The following RUFY3 variants were observed in gnomAD, a reference collection of about 807,000 sequenced individuals.
RUFY3 encodes RUN and FYVE domain containing 3.
A neutral mutation model predicts 84.0 loss-of-function variants in RUFY3; 34 were observed. The ratio of observed to expected loss-of-function variants is 0.40; its 90% CI spans 0.31 to 0.54. The LOEUF (loss-of-function observed/expected upper bound fraction) is 0.54, where lower values mean the gene tolerates loss of function less well. Among genes scored for constraint, RUFY3 ranks in the 20% least tolerant of loss-of-function variants. The probability of loss-of-function intolerance (pLI) is 0.39; values close to 1 mark genes in which losing one functional copy is unlikely to be tolerated. For missense variants in RUFY3, 507 were observed against 736.8 expected (o/e 0.69, Z 3.61); for synonymous variants, 242 against 252.9 (o/e 0.96, Z 0.41).
exon 1 of RUFY3, chr4:70,705,068 G>T (rs1740103945): frequency 7.7e-7 from 1 of 1,291,674 alleles, no homozygotes; most frequent in East Asian, 3.2e-5. Flanking sequence ...AGGGCGAGGC[G>T]GGGCCGCCGC....
chr4:70,719,297 A>T (rs933396901), upstream of RUFY3, among the ~76,000 whole-genome samples: 2 of 152,090 alleles, frequency 1.3e-5, no homozygotes, highest in African/African-American at 4.8e-5. Context: ...TGTGTCCTCT[A>T]CCTGGAGAGA....
intron 12 of RUFY3, chr4:70,792,908 A>C (rs905702322): frequency 5.4e-5 from 53 of 985,328 alleles, no homozygotes; most frequent in Admixed American, 6.1e-5. Flanking sequence ...TCTTCTCTTC[A>C]TCAACCTTTT....
At chr4:70,782,534 C>CAGA (rs1168077087) in intron 8 of RUFY3, among the ~76,000 whole-genome samples, 1 of 152,050 alleles carries the variant, frequency 6.6e-6, no homozygotes, top group Non-Finnish European at 1.5e-5. Flanking sequence ...CCGCTCGCAT[C>CAGA]AGCCTCCTAA....
intron 1 of RUFY3, among the ~76,000 whole-genome samples, chr4:70,733,162 GAGAGAA>G (rs1439461318): frequency 1.6e-3 from 221 of 140,620 alleles, no homozygotes; most frequent in Middle Eastern, 7.6e-3. Flanking sequence ...GAGAGAGAGA[GAGAGAA>G]AGAAAGAAAG....
chr4:70,757,333 G>A (rs571173554), intron 1 of RUFY3, among the ~76,000 whole-genome samples: 59 of 152,016 alleles, frequency 3.9e-4, no homozygotes, highest in South Asian at 2.1e-3. Context: ...GGCCGGGCGC[G>A]GTGGTTCATG....
At chr4:70,711,486 A>AT (rs1269646249) in intron 1 of RUFY3, among the ~76,000 whole-genome samples, 1 of 152,164 alleles carries the variant, frequency 6.6e-6, no homozygotes, top group Non-Finnish European at 1.5e-5. Flanking sequence ...GATTTTCGGT[A>AT]TTTTCAATGT....
At chr4:70,763,477 G>T (rs1725365736) in intron 2 of RUFY3, 75 bp from the exon 3 acceptor site, 1 of 1,073,398 alleles carries the variant, frequency 9.3e-7, no homozygotes, top group East Asian at 2.4e-5. Flanking sequence ...AGTTGTGTGT[G>T]TATGTGTGTG....
chr4:70,741,467 C>G (rs1721303636), intron 1 of RUFY3, among the ~76,000 whole-genome samples: 1 of 152,166 alleles, frequency 6.6e-6, no homozygotes, highest in South Asian at 2.1e-4. Flanking sequence ...TGGTTGTACT[C>G]CCAGCCCTTG....
chr4:70,753,679 A>G (rs1723500563), intron 1 of RUFY3, among the ~76,000 whole-genome samples: 1 of 152,174 alleles, frequency 6.6e-6, no homozygotes, highest in African/African-American at 2.4e-5. Flanking sequence ...AGTAGAAAGG[A>G]TCTAGTTCAT....
chr4:70,774,195 G>C (rs1484566462), intron 6 of RUFY3, among the ~76,000 whole-genome samples: 3 of 152,026 alleles, frequency 2.0e-5, no homozygotes, highest in African/African-American at 7.2e-5. Context: ...AATTGTATAG[G>C]TTTGGGGCCT....
intron 10 of RUFY3, among the ~76,000 whole-genome samples, chr4:70,788,284 CAAA>C (rs11358761): frequency 1.7e-5 from 2 of 120,604 alleles, no homozygotes. Context: ...GACTCTGTCT[CAAA>C]AAAAAAAAAA....
At chr4:70,705,570 G>GGCGCTGGTCT (rs1740210978) in intron 1 of RUFY3, among the ~76,000 whole-genome samples, 1 of 152,144 alleles carries the variant, frequency 6.6e-6, no homozygotes, top group Non-Finnish European at 1.5e-5. Context: ...TCTTGGGCTG[G>GGCGCTGGTCT]GCGCTGGTCT....
intron 5 of RUFY3, among the ~76,000 whole-genome samples, chr4:70,771,748 T>C (rs1727003628): frequency 6.6e-6 from 1 of 152,192 alleles, no homozygotes; most frequent in Admixed American, 6.5e-5. Flanking sequence ...TAAGCTGGTC[T>C]TGAACTCCTG....
At chr4:70,783,430 C>T (rs2148775201) in intron 9 of RUFY3, among the ~76,000 whole-genome samples, 1 of 152,288 alleles carries the variant, frequency 6.6e-6, no homozygotes, top group Admixed American at 6.5e-5. Flanking sequence ...AATTCAGTTT[C>T]TTGTTTTTAT....
chr4:70,733,781 C>A (rs1415445295), intron 1 of RUFY3, among the ~76,000 whole-genome samples: 2 of 151,950 alleles, frequency 1.3e-5, no homozygotes, highest in Non-Finnish European at 2.9e-5. Context: ...GGAAATGTAT[C>A]AAAAATATAA....
chr4:70,704,195 A>G (rs1052666050), upstream of RUFY3: 1 of 152,266 alleles, frequency 6.6e-6, no homozygotes, highest in African/African-American at 2.4e-5. Flanking sequence ...AGGGAATTAA[A>G]GTCAAAGCAA....
chr4:70,749,456 A>C (rs1010143768), intron 1 of RUFY3, among the ~76,000 whole-genome samples: 1 of 151,888 alleles, frequency 6.6e-6, no homozygotes, highest in African/African-American at 2.4e-5. Flanking sequence ...AATGAGTAAG[A>C]GTATATGAAA....
At chr4:70,765,298 G>T (rs1026040324) in intron 4 of RUFY3, among the ~76,000 whole-genome samples, 1 of 150,952 alleles carries the variant, frequency 6.6e-6, no homozygotes, top group Admixed American at 6.6e-5. Context: ...TATTTTATCC[G>T]TCTTTATTAT....
chr4:70,779,944 A>C (rs1293704523), intron 8 of RUFY3, among the ~76,000 whole-genome samples: 1 of 152,224 alleles, frequency 6.6e-6, no homozygotes, highest in Admixed American at 6.5e-5. Flanking sequence ...ATAAAATCAA[A>C]TTAAAGCACT....
Sources: allele counts gnomAD v4.1 joint callset (sites outside exome capture counted in the v4.1 genomes callset), GRCh38; gene constraint gnomAD v4.1.1; transcripts MANE v1.5; gene names NCBI Gene and HGNC (gene_info 2026-07-23, HGNC 2026-07-21).